Variants in QSOX1 observed in about 807,000 individuals in gnomAD.
QSOX1 encodes sulfhydryl oxidase 1.
QSOX1 carries 40 observed loss-of-function variants against 76.1 expected under a neutral mutation model. The ratio of observed to expected loss-of-function variants is 0.53; its 90% confidence interval spans 0.41 to 0.68. The LOEUF (loss-of-function observed/expected upper bound fraction) is 0.68. QSOX1 is among the 30% of genes least tolerant of loss of function. QSOX1 has a pLI of 0.00. For missense variants in QSOX1, 931 were observed against 974.3 expected (o/e 0.96, Z 0.59); for synonymous variants, 392 against 413.1 (o/e 0.95, Z 0.62).
chr1:180,194,117 C>T (rs1040267439), intron 10 of QSOX1, 96 bp from the exon 11 acceptor site: 36 of 1,247,882 alleles, frequency 2.9e-5, no homozygotes, highest in East Asian at 5.2e-5. Context: ...GGGGTGGCCA[C>T]GGCAGGATGG....
At chr1:180,176,585 A>G (rs908809728) in intron 4 of QSOX1, among the ~76,000 whole-genome samples, 1 of 152,220 alleles carries the variant, frequency 6.6e-6, no homozygotes, top group Non-Finnish European at 1.5e-5. Flanking sequence ...TCTGTCAGCC[A>G]GGCAAGCTTC....
At chr1:180,180,453 G>A (rs770292769) in intron 5 of QSOX1, among the ~76,000 whole-genome samples, 21 of 152,062 alleles carry the variant, frequency 1.4e-4, no homozygotes, top group South Asian at 6.2e-4. Flanking sequence ...CAGGAGATCC[G>A]CCCACCTCAG....
intron 5 of QSOX1, 23 bp downstream of exon 5, chr1:180,178,907 G>A: frequency 6.3e-7 from 1 of 1,593,992 alleles, no homozygotes. Flanking sequence ...GAAGTTCCCT[G>A]CAATTCTTGG....
intron 11 of QSOX1, among the ~76,000 whole-genome samples, chr1:180,195,932 G>A (rs970324900): frequency 6.6e-6 from 1 of 152,212 alleles, no homozygotes; most frequent in African/African-American, 2.4e-5. Flanking sequence ...CTGGGGTAAA[G>A]GCTGGTTGTA....
chr1:180,157,820 A>G (rs1662406819), intron 1 of QSOX1, among the ~76,000 whole-genome samples: 2 of 152,182 alleles, frequency 1.3e-5, no homozygotes, highest in South Asian at 2.1e-4. Flanking sequence ...AGTGATAAGC[A>G]TTGTTTGCAT....
intron 4 of QSOX1, among the ~76,000 whole-genome samples, chr1:180,177,249 CCTT>C (rs1662921316): frequency 2.7e-5 from 2 of 75,456 alleles, no homozygotes; most frequent in Admixed American, 1.7e-4. Context: ...TCAAAGTGAT[CCTT>C]TTTTTTTTTT....
chr1:180,159,296 T>G (rs1470780382), intron 1 of QSOX1, among the ~76,000 whole-genome samples: 1 of 152,244 alleles, frequency 6.6e-6, no homozygotes, highest in Non-Finnish European at 1.5e-5. Flanking sequence ...ATCATTTTGG[T>G]GTTAGGCATT....
At chr1:180,168,377 G>C (rs1662681300) in intron 2 of QSOX1, among the ~76,000 whole-genome samples, 1 of 147,618 alleles carries the variant, frequency 6.8e-6, no homozygotes, top group Non-Finnish European at 1.5e-5. Context: ...CCAACACGGT[G>C]GCCTCCCCCG....
At chr1:180,166,733 G>T (rs1662640116) in intron 2 of QSOX1, 142 bp downstream of exon 2, 1 of 790,940 alleles carries the variant, frequency 1.3e-6, no homozygotes, top group Non-Finnish European at 2.1e-6. Context: ...ACTTGGGCTG[G>T]TGAGAGCTCC....
intron 5 of QSOX1, among the ~76,000 whole-genome samples, chr1:180,180,133 C>G (rs1662992546): frequency 1.3e-5 from 2 of 152,270 alleles, no homozygotes; most frequent in South Asian, 4.1e-4. Flanking sequence ...CATATGCAAG[C>G]TGTGTGATCT....
intron 1 of QSOX1, among the ~76,000 whole-genome samples, chr1:180,164,918 A>G (rs1348208347): frequency 6.6e-6 from 1 of 152,084 alleles, no homozygotes; most frequent in Non-Finnish European, 1.5e-5. Context: ...GCAGGAGAGG[A>G]AGCAGGAGGG....
chr1:180,186,260 C>T (rs1431896867), intron 8 of QSOX1, 78 bp downstream of exon 8: 42 of 1,531,724 alleles, frequency 2.7e-5, no homozygotes, highest in African/African-American at 1.4e-4. Context: ...CTGGGCACCC[C>T]GTCAGCCCCT....
At chr1:180,182,940 C>T (rs931662727) in intron 6 of QSOX1, among the ~76,000 whole-genome samples, 2 of 152,174 alleles carry the variant, frequency 1.3e-5, no homozygotes, top group Admixed American at 6.5e-5. Flanking sequence ...AGCTGCTCCT[C>T]GGGGCCCTCA....
At chr1:180,195,622 G>A (rs1247834320) in intron 11 of QSOX1, among the ~76,000 whole-genome samples, 1 of 152,088 alleles carries the variant, frequency 6.6e-6, no homozygotes, top group African/African-American at 2.4e-5. Flanking sequence ...GGTACCAACA[G>A]CCTGCAGCCC....
intron 10 of QSOX1, 95 bp downstream of exon 10, chr1:180,190,675 C>T: frequency 7.1e-7 from 1 of 1,401,700 alleles, no homozygotes; most frequent in Non-Finnish European, 9.7e-7. Flanking sequence ...CTTGAATTGC[C>T]CCACTGGCTC....
chr1:180,190,702 G>A, intron 10 of QSOX1, 122 bp downstream of exon 10: 1 of 1,268,526 alleles, frequency 7.9e-7, no homozygotes, highest in Non-Finnish European at 1.1e-6. Context: ...GCCAGAAGAT[G>A]GGGAGAGTCA....
Position 180,196,619 on chromosome 1 carries a change from T to C in QSOX1, c.1826T>C (p.Leu609Pro), listed in dbSNP as rs576487401. ...EGPEASRPPK[L>P]HPGLRAAPGQ... The stretch of plus-strand genomic sequence containing the variant: ...CCTGAGGCAAGTCGACCCCCGAAGC[T>C]GCACCCTGGCCTCAGAGCTGCACCA... The change falls in exon 12 of 12, where the codon CTG becomes CCG. Residue 609 changes from leucine (L) to proline (P), a missense_variant. Physicochemically the swap from Leu to Pro is moderately conservative, Grantham distance 98 (BLOSUM62 -3). Transcript: ENST00000367602. This position sits in a 1 kb window ranked among gnomAD's most constrained non-coding sequence, Gnocchi z 4.1. 2 of 1,614,200 alleles carry C rather than the reference T, an allele frequency of 1.2e-6. No homozygotes were observed. Among genetic ancestry groups the C allele is most frequent in the East Asian group, 4.5e-5 (2 of 44,884 alleles).
At chr1:180,172,779 A>G (rs1351655264) in intron 2 of QSOX1, among the ~76,000 whole-genome samples, 1 of 152,220 alleles carries the variant, frequency 6.6e-6, no homozygotes, top group Non-Finnish European at 1.5e-5. Flanking sequence ...TCGGCCTCCC[A>G]AAGTGCTGGG....
intron 2 of QSOX1, 127 bp from the exon 3 acceptor site, chr1:180,175,194 T>A (rs1448037049): frequency 4.9e-6 from 4 of 811,172 alleles, no homozygotes; most frequent in Admixed American, 2.1e-5. Flanking sequence ...AGAAACAGGC[T>A]CAACAACATT....
Sources: allele counts gnomAD v4.1 joint callset (sites outside exome capture counted in the v4.1 genomes callset), GRCh38; gene constraint gnomAD v4.1.1; non-coding constraint Gnocchi (gnomAD v3.1); transcripts MANE v1.5; gene names NCBI Gene and HGNC (gene_info 2026-07-23, HGNC 2026-07-21).